The following PITPNA variants were observed in gnomAD, a reference collection of about 807,000 sequenced individuals.
The protein encoded by PITPNA is phosphatidylinositol transfer protein alpha isoform.
PITPNA carries 13 observed loss-of-function variants against 50.3 expected under a neutral mutation model. The ratio of observed to expected loss-of-function variants is 0.26; its 90% confidence interval spans 0.17 to 0.41. The LOEUF is 0.41. Ranked by LOEUF, PITPNA falls within the 10% of genes least tolerant of loss-of-function variation. The pLI is 1.00. For missense variants in PITPNA, 207 were observed against 333.4 expected, an observed-to-expected ratio of 0.62 and a Z score of 2.95; for synonymous variants, 120 against 119.6, an observed-to-expected ratio of 1.00 and a Z score of -0.02.
chr17:1,532,126 C>T (rs952125214), intron 10 of PITPNA, among the ~76,000 whole-genome samples: 3 of 152,124 alleles, frequency 2.0e-5, no homozygotes, highest in Admixed American at 1.3e-4. Context: ...CTTGCTCTGT[C>T]GCCCAGGCTG....
intron 10 of PITPNA, among the ~76,000 whole-genome samples, chr17:1,524,113 T>C (rs565985365): frequency 1.3e-5 from 2 of 148,978 alleles, no homozygotes; most frequent in Admixed American, 6.7e-5. Context: ...GGCACGATCT[T>C]GGCTCACTGC....
At chr17:1,543,862 T>A (rs1458075373) in intron 4 of PITPNA, among the ~76,000 whole-genome samples, 1 of 152,200 alleles carries the variant, frequency 6.6e-6, no homozygotes, top group Admixed American at 6.5e-5. Flanking sequence ...AGATTACAAC[T>A]GAAAGGCCTA....
chr17:1,550,086 C>A (rs1329229709), intron 3 of PITPNA, among the ~76,000 whole-genome samples: 1 of 152,232 alleles, frequency 6.6e-6, no homozygotes, highest in East Asian at 1.9e-4. Context: ...AGAGAGCTAA[C>A]CTGGAGCACT....
At chr17:1,560,808 T>A (rs1389137246) in intron 1 of PITPNA, among the ~76,000 whole-genome samples, 3 of 152,310 alleles carry the variant, frequency 2.0e-5, no homozygotes, top group African/African-American at 4.8e-5. Context: ...TGAATTAACA[T>A]CAGACTGGAT....
chr17:1,544,347 C>T (rs1005299171), intron 4 of PITPNA, among the ~76,000 whole-genome samples: 65 of 152,200 alleles, frequency 4.3e-4, no homozygotes, highest in African/African-American at 1.3e-3. Flanking sequence ...CATAGACTGG[C>T]GCTGGGGTTT....
rs1265170714 is a variant in PITPNA, at chr17:1,562,312, C to A, written c.20+229G>T. On this transcript the variant is annotated intron_variant, in intron 1 of 11. Transcript: ENST00000313486. The surrounding 1 kb of genome is among the most constrained non-coding windows in gnomAD (Gnocchi z 6.4). Reference sequence around the variant, plus strand: ...GCCGAACGCCCCGGCTGCCCCTCCACGCCCCGGCCGCCCCTCCACGCCCCG... The same window carrying A: ...GCCGAACGCCCCGGCTGCCCCTCCAAGCCCCGGCCGCCCCTCCACGCCCCG... 1.3e-5 allele frequency among the ~76,000 whole-genome samples: 2 copies of A among 149,464 alleles called. No homozygotes were observed. The highest frequency in any genetic ancestry group is 4.9e-5 in the African/African-American group (2 of 40,490).
intron 10 of PITPNA, among the ~76,000 whole-genome samples, chr17:1,525,707 G>A (rs1360561655): frequency 6.6e-6 from 1 of 151,900 alleles, no homozygotes; most frequent in Non-Finnish European, 1.5e-5. Context: ...TAGTAGAGAC[G>A]AGGTTTCTCC....
chr17:1,537,237 GTA>G (rs2075623587), intron 7 of PITPNA, among the ~76,000 whole-genome samples: 1 of 152,036 alleles, frequency 6.6e-6, no homozygotes, highest in Non-Finnish European at 1.5e-5. Context: ...CTAATCTGTT[GTA>G]TTTTTAGTAG....
chr17:1,533,269 G>A (rs1598405799), intron 10 of PITPNA, among the ~76,000 whole-genome samples: 1 of 151,510 alleles, frequency 6.6e-6, no homozygotes, highest in Non-Finnish European at 1.5e-5. Flanking sequence ...GAGTGATTAA[G>A]AGCTGTGGTT....
intron 10 of PITPNA, among the ~76,000 whole-genome samples, chr17:1,522,458 T>C (rs1051280707): frequency 4.6e-5 from 7 of 152,148 alleles, no homozygotes; most frequent in Non-Finnish European, 8.8e-5. Flanking sequence ...CTGCAACCTC[T>C]GCCTCCTGGA....
intron 8 of PITPNA, 68 bp from the exon 9 acceptor site, chr17:1,535,360 C>G: frequency 4.0e-6 from 6 of 1,505,222 alleles, no homozygotes; most frequent in Non-Finnish European, 5.5e-6. Flanking sequence ...CCCCAGCTCA[C>G]CCCAGCCATG....
chr17:1,559,277 C>A (rs1447606071), intron 1 of PITPNA, among the ~76,000 whole-genome samples: 2 of 152,218 alleles, frequency 1.3e-5, no homozygotes, highest in African/African-American at 2.4e-5. Flanking sequence ...CCCAATTTAT[C>A]ATTTTCTTTT....
In PITPNA at chr17:1,531,707, T is replaced by G. The variant is rs1171841457; in HGVS notation, c.768+2392A>C. Among the ~76,000 whole-genome samples the G allele has an allele frequency of 2.6e-5, 4 of 151,668 alleles. No individual in the cohort carries two copies. In the South Asian group the frequency reaches 8.3e-4, roughly 32 times the overall value. ...ACTAAGAGCATCAGCATAGATTATT[T>G]GAAAGTATGGAAGTAATTAACAAAA... On this transcript the variant is annotated intron_variant, in intron 10 of 11. Transcript: ENST00000313486.
At chr17:1,536,291 TTTTC>T (rs2075615207) in intron 7 of PITPNA, among the ~76,000 whole-genome samples, 1 of 151,588 alleles carries the variant, frequency 6.6e-6, no homozygotes, top group African/African-American at 2.4e-5. Flanking sequence ...TTTTTTTTTT[TTTTC>T]TTTTTTTTTT....
At chr17:1,547,124 C>T (rs1275545673) in intron 4 of PITPNA, among the ~76,000 whole-genome samples, 1 of 151,106 alleles carries the variant, frequency 6.6e-6, no homozygotes, top group African/African-American at 2.4e-5. Context: ...CTTTGGGAGG[C>T]CAAGGTGGGA....
At chr17:1,557,297 T>C (rs889490860) in intron 2 of PITPNA, among the ~76,000 whole-genome samples, 2 of 152,218 alleles carry the variant, frequency 1.3e-5, no homozygotes, top group Non-Finnish European at 2.9e-5. Context: ...CCAACAAGCC[T>C]GGATGTCTGT....
chr17:1,535,315 G>A (rs377695162), intron 8 of PITPNA, 23 bp from the exon 9 acceptor site: 12 of 1,570,482 alleles, frequency 7.6e-6, no homozygotes, highest in Non-Finnish European at 1.1e-5. Flanking sequence ...CATACCCATG[G>A]GTACGCAAGT....
At position 1,562,082 on chromosome 17, in the gene PITPNA, C is replaced by T. The variant is rs2075771336; in HGVS notation, c.20+459G>A. Among the ~76,000 whole-genome samples the T allele has an allele frequency of 6.6e-6, 1 of 152,150 alleles. No homozygotes were observed. The highest frequency in any genetic ancestry group is 2.1e-4 in the South Asian group (1 of 4,836). On this transcript the variant is annotated intron_variant, in intron 1 of 11. Coordinates refer to ENST00000313486, the MANE Select transcript of PITPNA (RefSeq NM_006224.4). This position sits in a 1 kb window ranked among gnomAD's most constrained non-coding sequence, Gnocchi z 6.4. ...AGCGCTCGGCGTCCCCTCGGCCTCC[C>T]CCAGTCCCGGGCCAGCTCTCCCTGC... is the stretch of plus-strand genomic sequence containing the variant.
intron 6 of PITPNA, 120 bp downstream of exon 6, chr17:1,541,446 C>T: frequency 1.4e-6 from 1 of 738,782 alleles, no homozygotes; most frequent in Non-Finnish European, 2.4e-6. Flanking sequence ...TAGGCAGAGG[C>T]CACTGCCTTC....
Sources: gnomAD v4.1 joint callset for allele counts (sites outside exome capture counted in the v4.1 genomes callset) on GRCh38, gnomAD v4.1.1 for gene constraint, Gnocchi (gnomAD v3.1) non-coding constraint, MANE v1.5 for transcripts, NCBI Gene and HGNC (gene_info 2026-07-23, HGNC 2026-07-21) for gene names.